The following POLH variants were observed in gnomAD, a reference collection of about 807,000 sequenced individuals.
POLH encodes DNA polymerase eta.
A neutral mutation model predicts 73.6 loss-of-function variants in POLH; 53 were observed. The observed-to-expected ratio is 0.72, with a 90% CI of 0.58 to 0.91. POLH has a LOEUF of 0.91. Ranked by LOEUF, POLH falls within the 40% of genes least tolerant of loss-of-function variation. The pLI, the probability that POLH is intolerant of heterozygous loss-of-function variation, is 0.00. For missense variants in POLH, 768 were observed against 865.4 expected (o/e 0.89, Z 1.41); for synonymous variants, 292 against 308.5 (o/e 0.95, Z 0.56).
Position 43,582,398 on chromosome 6 carries a change from C to A in POLH, c.79C>A (p.Pro27Thr). The A allele has an allele frequency of 6.2e-7, 1 of 1,613,990 alleles. No homozygotes were observed. The highest frequency in any genetic ancestry group is 8.5e-7 in the Non-Finnish European group (1 of 1,179,918). Reference protein sequence around the residue: ...FFVQVEQRQNPHLRNKPCAVV... With the variant: ...FFVQVEQRQNTHLRNKPCAVV... ...TGTTCAAGTGGAGCAGCGGCAAAATCCTCATTTGAGGAATAAACCTTGTGC... is the reference window on the plus strand; with the variant it reads ...TGTTCAAGTGGAGCAGCGGCAAAATACTCATTTGAGGAATAAACCTTGTGC... The change falls in exon 2 of 11, where the codon CCT (proline) becomes ACT (threonine). Residue 27 changes from proline to threonine, a missense_variant. By Grantham distance (38) the Pro-to-Thr change is conservative. Transcript: ENST00000372236.
Position 43,582,402 on chromosome 6 carries a change from A to G in POLH, c.83A>G (p.His28Arg). The G allele has an allele frequency of 6.2e-7, 1 of 1,614,016 alleles. No individual in the cohort carries two copies. Among genetic ancestry groups the G allele is most frequent in the Non-Finnish European group, 8.5e-7 (1 of 1,179,882 alleles). ...CAAGTGGAGCAGCGGCAAAATCCTC[A>G]TTTGAGGAATAAACCTTGTGCAGTT... ...FVQVEQRQNP[H>R]LRNKPCAVVQ... Residue 28 changes from histidine (H) to arginine (R), a missense_variant, in exon 2 of 11, where the codon CAT becomes CGT. Transcript: ENST00000372236.
chr6:43,616,759 TA>T lies in POLH; in HGVS notation c.*2205del, dbSNP rs1467331787. Among the ~76,000 whole-genome samples, 1 of 152,196 alleles carries T rather than the reference TA, an allele frequency of 6.6e-6. No homozygotes were observed. Reference sequence around the variant, plus strand: ...CTTTCTGTACATAAAAGTGACTTAATAAACAGTGAATTTCATACAGGTAAAC... The same window carrying T: ...CTTTCTGTACATAAAAGTGACTTAATAACAGTGAATTTCATACAGGTAAAC... On this transcript the variant is annotated 3_prime_UTR_variant, in exon 11 of 11. Coordinates refer to ENST00000372236, the MANE Select transcript of POLH (RefSeq NM_006502.3).
chr6:43,603,613 TG>T (rs1347798622), intron 6 of POLH, among the ~76,000 whole-genome samples: 1 of 152,204 alleles, frequency 6.6e-6, no homozygotes, highest in Non-Finnish European at 1.5e-5. Flanking sequence ...ATTTTGTGTT[TG>T]GGATTTTAAT....
chr6:43,602,226 A>G (rs1434369333), intron 6 of POLH, among the ~76,000 whole-genome samples: 1 of 152,224 alleles, frequency 6.6e-6, no homozygotes, highest in African/African-American at 2.4e-5. Flanking sequence ...TTCAGCTCTC[A>G]AAGTAGGCAT....
chr6:43,576,782 C>T (rs1763393696), intron 1 of POLH, among the ~76,000 whole-genome samples: 1 of 152,208 alleles, frequency 6.6e-6, no homozygotes, highest in South Asian at 2.1e-4. Flanking sequence ...TGGCCAAGTG[C>T]TATGTATAAG....
Position 43,616,245 on chromosome 6 carries a change from A to T in POLH, c.*1688A>T, listed in dbSNP as rs1386294091. Among the ~76,000 whole-genome samples, 2 of 148,574 alleles carry T rather than the reference A, an allele frequency of 1.3e-5. No individual in the cohort carries two copies. The highest frequency in any genetic ancestry group is 3.0e-5 in the Non-Finnish European group (2 of 67,440). ...CAGTGAGCCGAGAGCGCGCCACTGC[A>T]CTCCAGCCTGGGTGACAGAGCGAGA... On this transcript the variant is annotated 3_prime_UTR_variant, in exon 11 of 11. Transcript: ENST00000372236.
chr6:43,611,226 T>A (rs1056681162), intron 10 of POLH, among the ~76,000 whole-genome samples: 1 of 152,246 alleles, frequency 6.6e-6, no homozygotes, highest in East Asian at 1.9e-4. Flanking sequence ...GTTAGACCCT[T>A]ACTCTGTATT....
intron 10 of POLH, among the ~76,000 whole-genome samples, chr6:43,611,667 T>C (rs1263165238): frequency 3.9e-5 from 6 of 151,978 alleles, no homozygotes; most frequent in African/African-American, 1.5e-4. Flanking sequence ...TTATACAAAA[T>C]AAAATCAAAG....
chr6:43,581,248 C>T (rs1764157203), intron 1 of POLH, among the ~76,000 whole-genome samples: 1 of 150,420 alleles, frequency 6.6e-6, no homozygotes, highest in African/African-American at 2.5e-5. Flanking sequence ...CTCCTCACAT[C>T]CCAGATGGGG....
intron 3 of POLH, 124 bp from the exon 4 acceptor site, chr6:43,587,148 C>T: frequency 1.3e-6 from 1 of 799,084 alleles, no homozygotes. Flanking sequence ...TGTCTAGTCT[C>T]TGTTAAGCCA....
Position 43,615,291 on chromosome 6 carries a change from A to C in POLH, c.*734A>C, listed in dbSNP as rs1768248894. On this transcript the variant is annotated 3_prime_UTR_variant, in exon 11 of 11. Coordinates refer to ENST00000372236, the MANE Select transcript of POLH (RefSeq NM_006502.3). ...AAAATAAAAAATAGGGGCCAGGCAC[A>C]GTGGCTCATACCTGTAATGCCAGCA... 2 of 147,230 alleles carry C rather than the reference A, an allele frequency of 1.4e-5. No individual in the cohort carries two copies. The highest frequency in any genetic ancestry group is 2.5e-5 in the African/African-American group (1 of 39,326). 9.1% of individuals were successfully genotyped at this position (147,230 alleles called of 1,614,324 possible).
intron 9 of POLH, 57 bp downstream of exon 9, chr6:43,605,376 TCTTTA>T: frequency 1.2e-6 from 1 of 831,942 alleles, no homozygotes; most frequent in Non-Finnish European, 2.1e-6. Flanking sequence ...TATCAGCTGC[TCTTTA>T]CCTTATGGAG....
chr6:43,580,515 C>T (rs1165959948), intron 1 of POLH, among the ~76,000 whole-genome samples: 2 of 140,780 alleles, frequency 1.4e-5, no homozygotes, highest in Admixed American at 6.9e-5. Context: ...ACCTCCCGGA[C>T]GGGGCGGCTG....
At chr6:43,608,301 C>T (rs950482774) in intron 9 of POLH, among the ~76,000 whole-genome samples, 2 of 152,144 alleles carry the variant, frequency 1.3e-5, no homozygotes, top group African/African-American at 2.4e-5. Context: ...GCATCCTCTT[C>T]TTTTGAAATG....
chr6:43,600,721 GAA>G (rs1480092791), intron 5 of POLH, among the ~76,000 whole-genome samples: 2 of 152,134 alleles, frequency 1.3e-5, no homozygotes, highest in African/African-American at 4.8e-5. Context: ...AGATGGGAAG[GAA>G]AAAATGACTA....
chr6:43,594,348 C>T (rs980867265), intron 4 of POLH, among the ~76,000 whole-genome samples: 2 of 152,010 alleles, frequency 1.3e-5, no homozygotes, highest in Non-Finnish European at 2.9e-5. Context: ...TATGTGCAAG[C>T]CTTGGTATTT....
Position 43,582,992 on chromosome 6 carries a change from T to C in POLH, c.138-15T>C. ...ATATAATATGTTTTCTGTTTCCTTTTTTTTCTAACCTTAGAATAATTGCAG... is the reference window on the plus strand; with the variant it reads ...ATATAATATGTTTTCTGTTTCCTTTCTTTTCTAACCTTAGAATAATTGCAG... On this transcript the variant is annotated splice_polypyrimidine_tract_variant and intron_variant, in intron 2 of 10. Transcript: ENST00000372236. The C allele has an allele frequency of 6.2e-7, 1 of 1,610,802 alleles. No individual in the cohort carries two copies. Among genetic ancestry groups the C allele is most frequent in the Non-Finnish European group, 8.5e-7 (1 of 1,177,464 alleles).
Position 43,605,247 on chromosome 6 carries a change from T to C in POLH, c.1009-7T>C. 1 of 1,537,108 alleles carries C rather than the reference T, an allele frequency of 6.5e-7. No individual in the cohort carries two copies. The highest frequency in any genetic ancestry group is 1.1e-5 in the South Asian group (1 of 89,156). ...AATGAAAGATTAAAGTCTCAATACT[T>C]TTTTAGGTACAATGGTGGCTGTTGC... On this transcript the variant is annotated splice_region_variant and splice_polypyrimidine_tract_variant and intron_variant, in intron 8 of 10. Transcript: ENST00000372236.
rs767583010 is a variant in POLH at position 43,614,067 on chromosome 6, C to A, written c.1652C>A (p.Ser551Tyr). The A allele has an allele frequency of 1.9e-6, 3 of 1,614,050 alleles. No individual in the cohort carries two copies. Among genetic ancestry groups the A allele is most frequent in the East Asian group, 4.5e-5 (2 of 44,898 alleles). ...QKQLNNSSVS[S>Y]PQQNPWSNCK... ...CAGCTTAATAATTCTTCAGTTTCTT[C>A]CCCCCAACAAAACCCATGGTCCAAC... Residue 551 changes from serine to tyrosine, a missense_variant, in exon 11 of 11, where the codon TCC becomes TAC. By Grantham distance (144) the Ser-to-Tyr change is moderately radical. Coordinates refer to ENST00000372236, the MANE Select transcript of POLH (RefSeq NM_006502.3).
Sources: gnomAD v4.1 joint callset for allele counts (sites outside exome capture counted in the v4.1 genomes callset) on GRCh38, gnomAD v4.1.1 for gene constraint, MANE v1.5 for transcripts, NCBI Gene and HGNC (gene_info 2026-07-23, HGNC 2026-07-21) for gene names.